FHL2: variants seen among roughly 807,000 people sequenced by gnomAD.
FHL2 encodes the protein four and a half LIM domains 2.
FHL2 carries 20 observed loss-of-function variants against 32.7 expected under a neutral mutation model. The ratio of observed to expected loss-of-function variants is 0.61; its 90% CI spans 0.43 to 0.89. FHL2 has a LOEUF of 0.89. Among genes scored for constraint, FHL2 ranks in the 40% least tolerant of loss-of-function variants. The pLI is 0.00. For missense variants in FHL2, 311 were observed against 358.6 expected (o/e 0.87, Z 1.07); for synonymous variants, 123 against 128.1 (o/e 0.96, Z 0.27).
At chr2:105,400,175 C>T (rs1683413795), upstream of FHL2, among the ~76,000 whole-genome samples, 2 of 152,284 alleles carry the variant, frequency 1.3e-5, no homozygotes, top group African/African-American at 2.4e-5. Flanking sequence ...GAAAGTTCAG[C>T]TCAGATTTGC....
At chr2:105,408,922 C>T (rs894200135) in intron 1 of FHL2, among the ~76,000 whole-genome samples, 2 of 152,056 alleles carry the variant, frequency 1.3e-5, no homozygotes, top group Non-Finnish European at 2.9e-5. Context: ...CTACATCCAA[C>T]GTGATGTAGC....
intron 1 of FHL2, among the ~76,000 whole-genome samples, chr2:105,425,574 T>A (rs1684237079): frequency 6.6e-6 from 1 of 151,836 alleles, no homozygotes; most frequent in Admixed American, 6.6e-5. Flanking sequence ...GGGAACTGAA[T>A]GTCTCGGTGT....
At position 105,361,641 on chromosome 2, in the gene FHL2, T is replaced by C. The variant is rs776322716; in HGVS notation, c.689-207A>G. On this transcript the variant is annotated intron_variant, in intron 6 of 6. Transcript: ENST00000530340. The stretch of plus-strand genomic sequence containing the variant: ...GATCTCGTGAATATCAGAAGAGATA[T>C]ATAAACTGGTTCCAAAACGATGGGA... Among the ~76,000 whole-genome samples, 63 of 152,166 alleles carry C rather than the reference T, an allele frequency of 4.1e-4. 2 individuals carry two copies. The highest frequency in any genetic ancestry group is 1.6e-4 in the Non-Finnish European group (11 of 68,034).
chr2:105,413,631 C>G (rs936711102), intron 1 of FHL2, among the ~76,000 whole-genome samples: 1 of 152,126 alleles, frequency 6.6e-6, no homozygotes, highest in Admixed American at 6.5e-5. Flanking sequence ...TCCACCACAC[C>G]CAACTAATCT....
rs1248373518 is a variant in FHL2 at position 105,398,985 on chromosome 2, CG to C, written c.-220del. ...AGGTACTCACGGCACCGCAGCGGGC[CG>C]GGGACTCCCGGACGGGGCTGGAGGG... is the stretch of plus-strand genomic sequence containing the variant. On this transcript the variant is annotated 5_prime_UTR_variant, in exon 1 of 7. Transcript: ENST00000530340. 6.0e-6 allele frequency: 9 copies of C among 1,507,742 alleles called. No homozygotes were observed. Among genetic ancestry groups the C allele is most frequent in the East Asian group, 2.8e-5 (1 of 36,286 alleles). 93.4% of individuals were successfully genotyped at this position (1,507,742 alleles called of 1,614,324 possible). A position where few individuals can be genotyped will look rare whatever the true frequency, so the allele number is the denominator to read the frequency against.
intron 1 of FHL2, among the ~76,000 whole-genome samples, chr2:105,426,155 T>A (rs1469843939): frequency 6.6e-6 from 1 of 152,150 alleles, no homozygotes; most frequent in African/African-American, 2.4e-5. Context: ...GCATGCAAGC[T>A]TTTACCCGGT....
At chr2:105,423,227 AATGAAAC>A (rs1357974452) in intron 1 of FHL2, among the ~76,000 whole-genome samples, 1 of 152,228 alleles carries the variant, frequency 6.6e-6, no homozygotes, top group African/African-American at 2.4e-5. Flanking sequence ...GTCTCCAAAA[AATGAAAC>A]ATGAAGCTTT....
intron 5 of FHL2, among the ~76,000 whole-genome samples, chr2:105,367,001 CTCCCACAGGT>C (rs1680681675): frequency 6.6e-6 from 1 of 152,160 alleles, no homozygotes; most frequent in Non-Finnish European, 1.5e-5. Context: ...CAGCCTTGGC[CTCCCACAGGT>C]GATCCACCAG....
At position 105,377,925 on chromosome 2, in the gene FHL2, G is replaced by A. The variant is rs116476308; in HGVS notation, c.157-4192C>T. 1,391 of 402,680 alleles carry A rather than the reference G, an allele frequency of 3.5e-3. 18 individuals carry two copies. Among genetic ancestry groups the A allele is most frequent in the African/African-American group, 0.027 (1,276 of 48,042 alleles). 24.9% of individuals were successfully genotyped at this position (402,680 alleles called of 1,614,324 possible). On this transcript the variant is annotated intron_variant, in intron 3 of 6. Transcript: ENST00000530340. The stretch of plus-strand genomic sequence containing the variant: ...GGGAGGAGGCATTACGCCCAGAGGG[G>A]TGGCAAGTTATCAGTGACAAGAGAG...
At chr2:105,438,448 C>T in exon 1 of FHL2, 1 of 985,618 alleles carries the variant, frequency 1.0e-6, no homozygotes, top group Non-Finnish European at 1.2e-6. Context: ...TGAGCAGGGA[C>T]AGCTGCTGTG....
At chr2:105,368,782 C>A (rs552773224) in intron 4 of FHL2, among the ~76,000 whole-genome samples, 3 of 152,184 alleles carry the variant, frequency 2.0e-5, no homozygotes, top group African/African-American at 7.2e-5. Context: ...TAAACAAGTA[C>A]CCTTCATATA....
chr2:105,437,780 G>A (rs1684656776), intron 1 of FHL2, among the ~76,000 whole-genome samples: 4 of 152,250 alleles, frequency 2.6e-5, no homozygotes, highest in Admixed American at 6.5e-5. Flanking sequence ...TGTGCATTTT[G>A]GAGTTTGCCC....
intron 2 of FHL2, among the ~76,000 whole-genome samples, chr2:105,395,270 C>G (rs992120424): frequency 6.6e-6 from 1 of 152,230 alleles, no homozygotes; most frequent in South Asian, 2.1e-4. Flanking sequence ...GCCTCGGGTC[C>G]GTCAATCACA....
chr2:105,359,643 G>A (rs951149090), downstream of FHL2: 1 of 152,174 alleles, frequency 6.6e-6, no homozygotes, highest in African/African-American at 2.4e-5. Flanking sequence ...ACTGTATACT[G>A]CTATCTGAGA....
intron 5 of FHL2, among the ~76,000 whole-genome samples, chr2:105,366,042 C>T (rs142185787): frequency 1.5e-4 from 23 of 151,110 alleles, no homozygotes; most frequent in African/African-American, 5.6e-4. Context: ...CCCGTCTGTA[C>T]TAAAAATACA....
At chr2:105,416,458 A>G (rs917983221) in intron 1 of FHL2, among the ~76,000 whole-genome samples, 1 of 152,242 alleles carries the variant, frequency 6.6e-6, no homozygotes, top group African/African-American at 2.4e-5. Context: ...ATCTCAGATC[A>G]TCATCTCTCT....
chr2:105,371,678 C>T (rs750965017), intron 4 of FHL2, among the ~76,000 whole-genome samples: 3 of 152,054 alleles, frequency 2.0e-5, no homozygotes, highest in Non-Finnish European at 4.4e-5. Flanking sequence ...ATTCAAAATC[C>T]GGGAAATATG....
Position 105,377,765 on chromosome 2 carries a change from T to A in FHL2, c.157-4032A>T, listed in dbSNP as rs1681579821. On this transcript the variant is annotated intron_variant, in intron 3 of 6. Coordinates refer to ENST00000530340, the MANE Select transcript of FHL2 (RefSeq NM_001318895.3). ...GCTCGTTTGGGGAAAAGCTGCAGAA[T>A]GTTTTCCATGACCCAAGAGTCACTG... The A allele has an allele frequency of 1.1e-5, 3 of 272,368 alleles. No homozygotes were observed. In the South Asian group the frequency reaches 1.2e-4, roughly 11 times the overall value. The allele number at this position is 272,368 out of a possible 1,614,324, so 16.9% of individuals were successfully genotyped here. A position where few individuals can be genotyped will look rare whatever the true frequency, so the allele number is the denominator to read the frequency against.
intron 6 of FHL2, 169 bp downstream of exon 6, chr2:105,363,116 T>C: frequency 1.6e-6 from 1 of 620,588 alleles, no homozygotes; most frequent in East Asian, 2.8e-5. Flanking sequence ...TGCTGAAGCA[T>C]AGCCAGTGCA....
Sources: gnomAD v4.1 joint callset for allele counts (sites outside exome capture counted in the v4.1 genomes callset) on GRCh38, gnomAD v4.1.1 for gene constraint, MANE v1.5 for transcripts, NCBI Gene and HGNC (gene_info 2026-07-23, HGNC 2026-07-21) for gene names.